The following PDE1C variants were observed in gnomAD, a reference collection of about 807,000 sequenced individuals.
The protein encoded by PDE1C is phosphodiesterase 1C, also known as dual specificity calcium/calmodulin-dependent 3',5'-cyclic nucleotide phosphodiesterase 1C.
A neutral mutation model predicts 93.1 loss-of-function variants in PDE1C; 62 were observed. The observed-to-expected ratio is 0.67, with a 90% CI of 0.54 to 0.82. The LOEUF (loss-of-function observed/expected upper bound fraction) is 0.82. Ranked by LOEUF, PDE1C falls within the 40% of genes least tolerant of loss-of-function variation. The pLI is 0.00. For synonymous variants in PDE1C, 325 were observed against 310.1 expected, an observed-to-expected ratio of 1.05 and a Z score of -0.50; for missense variants, 742 against 884.6, an observed-to-expected ratio of 0.84 and a Z score of 2.04.
At chr7:31,895,383 C>A (rs1163241708) in intron 2 of PDE1C, among the ~76,000 whole-genome samples, 6 of 152,082 alleles carry the variant, frequency 3.9e-5, no homozygotes, top group Non-Finnish European at 8.8e-5. Flanking sequence ...ACCAAGCAGA[C>A]AAGAGATATC....
chr7:32,296,736 T>G (rs1812624194), intron 1 of PDE1C, among the ~76,000 whole-genome samples: 3 of 152,246 alleles, frequency 2.0e-5, no homozygotes, highest in Non-Finnish European at 4.4e-5. Context: ...GTATAACTTT[T>G]GAGAATTTTC....
intron 3 of PDE1C, among the ~76,000 whole-genome samples, chr7:32,125,654 C>A (rs889758769): frequency 6.6e-6 from 1 of 151,624 alleles, no homozygotes; most frequent in African/African-American, 2.4e-5. Context: ...CACTCATAAG[C>A]AGGAGTTGAA....
chr7:31,799,313 C>T (rs1374496745), intron 16 of PDE1C, among the ~76,000 whole-genome samples: 1 of 151,684 alleles, frequency 6.6e-6, no homozygotes, highest in Non-Finnish European at 1.5e-5. Context: ...TCTTTCACTA[C>T]CAGCTTCATT....
chr7:32,002,304 C>G (rs773468967), intron 2 of PDE1C, among the ~76,000 whole-genome samples: 2 of 152,154 alleles, frequency 1.3e-5, no homozygotes, highest in African/African-American at 2.4e-5. Flanking sequence ...TCATAAATAT[C>G]TACAGGGAGC....
At chr7:32,205,798 A>C (rs1351941458) in intron 2 of PDE1C, among the ~76,000 whole-genome samples, 1 of 152,124 alleles carries the variant, frequency 6.6e-6, no homozygotes, top group African/African-American at 2.4e-5. Context: ...CAGACATGCC[A>C]CCTTTAAGAG....
chr7:32,215,769 A>C (rs1325386523), intron 1 of PDE1C, among the ~76,000 whole-genome samples: 1 of 152,208 alleles, frequency 6.6e-6, no homozygotes, highest in Non-Finnish European at 1.5e-5. Flanking sequence ...CAAGCACCCA[A>C]AACACTGCCA....
At chr7:31,916,235 C>T (rs1801898238) in intron 2 of PDE1C, among the ~76,000 whole-genome samples, 1 of 152,120 alleles carries the variant, frequency 6.6e-6, no homozygotes, top group Non-Finnish European at 1.5e-5. Context: ...AGTGAGTAAG[C>T]TACCAGATGC....
At chr7:32,295,308 A>G (rs1196869520) in intron 1 of PDE1C, among the ~76,000 whole-genome samples, 1 of 152,206 alleles carries the variant, frequency 6.6e-6, no homozygotes, top group African/African-American at 2.4e-5. Flanking sequence ...GGGAGGCAGC[A>G]TGATGTGTGG....
chr7:32,095,017 T>A (rs1797675483), intron 3 of PDE1C, among the ~76,000 whole-genome samples: 1 of 152,348 alleles, frequency 6.6e-6, no homozygotes, highest in East Asian at 1.9e-4. Flanking sequence ...AAGATCTGCA[T>A]ATCTTTCCAC....
the PDE1C span, among the ~76,000 whole-genome samples, chr7:31,671,219 A>ACTGACTATAAC: frequency 7.2e-5 from 11 of 152,182 alleles, no homozygotes; most frequent in Admixed American, 7.2e-4. Flanking sequence ...CTGAAGGAGC[A>ACTGACTATAAC]CTGACTATAA....
chr7:31,654,053 C>CA, the PDE1C span, among the ~76,000 whole-genome samples: 148 of 130,320 alleles, frequency 1.1e-3, 1 homozygote, highest in Middle Eastern at 3.9e-3. Flanking sequence ...AGAGTAAGTC[C>CA]AAAAAAAAAA....
intron 2 of PDE1C, among the ~76,000 whole-genome samples, chr7:31,981,566 A>C (rs955900691): frequency 7.9e-5 from 12 of 152,234 alleles, no homozygotes; most frequent in Admixed American, 2.0e-4. Flanking sequence ...AAGAATAAAG[A>C]ATTTATGAAT....
At chr7:31,997,643 G>C (rs1784887188) in intron 2 of PDE1C, among the ~76,000 whole-genome samples, 2 of 152,188 alleles carry the variant, frequency 1.3e-5, no homozygotes, top group South Asian at 4.1e-4. Flanking sequence ...CTAAAAGGTA[G>C]ATGCTGTCTG....
At chr7:31,891,065 C>T (rs1480986983) in intron 2 of PDE1C, among the ~76,000 whole-genome samples, 1 of 152,182 alleles carries the variant, frequency 6.6e-6, no homozygotes, top group African/African-American at 2.4e-5. Flanking sequence ...GTCAAGAAAT[C>T]CTGGAGAGCT....
the PDE1C span, among the ~76,000 whole-genome samples, chr7:31,737,110 C>A: frequency 1.3e-5 from 2 of 152,086 alleles, no homozygotes; most frequent in Admixed American, 6.6e-5. Context: ...ACCACCACAC[C>A]AGGCTAATTT....
At chr7:31,642,117 A>C in the PDE1C span, 1 of 1,293,950 alleles carries the variant, frequency 7.7e-7, no homozygotes, top group East Asian at 2.6e-5. Flanking sequence ...GGGTTGATCC[A>C]AGTCCTGCTG....
At chr7:31,746,647 G>A (rs80210060), downstream of PDE1C, among the ~76,000 whole-genome samples, 1,093 of 152,264 alleles carry the variant, frequency 7.2e-3, 10 homozygotes, top group African/African-American at 0.024. Flanking sequence ...AGTAGAAACC[G>A]GATATGGTTC....
At chr7:32,115,618 G>A (rs528850202) in intron 3 of PDE1C, among the ~76,000 whole-genome samples, 8 of 151,988 alleles carry the variant, frequency 5.3e-5, no homozygotes, top group Admixed American at 2.6e-4. Flanking sequence ...CATGTATCCC[G>A]GAACTTAAAG....
chr7:31,758,122 G>A (rs1186456373), intron 17 of PDE1C, among the ~76,000 whole-genome samples: 3 of 152,064 alleles, frequency 2.0e-5, no homozygotes, highest in Non-Finnish European at 2.9e-5. Flanking sequence ...ACGAGAAGGG[G>A]AACATCACAC....
Sources: gnomAD v4.1 joint callset for allele counts (sites outside exome capture counted in the v4.1 genomes callset) on GRCh38, gnomAD v4.1.1 for gene constraint, MANE v1.5 for transcripts, NCBI Gene and HGNC (gene_info 2026-07-23, HGNC 2026-07-21) for gene names.